Variants in SHC4 observed in about 807,000 individuals in gnomAD.
SHC4 encodes the protein SHC-transforming protein 4.
Under a neutral mutation model 69.4 loss-of-function variants are expected in SHC4, and 41 were observed. The observed-to-expected ratio is 0.59, with a 90% CI of 0.46 to 0.77. The LOEUF (loss-of-function observed/expected upper bound fraction) is 0.77. SHC4 is among the 30% of genes least tolerant of loss of function. The pLI is 0.00. For synonymous variants in SHC4, 318 were observed against 299.3 expected (o/e 1.06, Z -0.64); for missense variants, 777 against 783.8 (o/e 0.99, Z 0.10).
chr15:48,917,575 A>C (rs548662287), intron 2 of SHC4, among the ~76,000 whole-genome samples: 1 of 152,178 alleles, frequency 6.6e-6, no homozygotes, highest in Non-Finnish European at 1.5e-5. Context: ...ATATTCTATT[A>C]TTAAAAATGG....
chr15:48,872,209 G>T, intron 4 of SHC4, 67 bp from the exon 5 acceptor site: 1 of 951,038 alleles, frequency 1.1e-6, no homozygotes, highest in African/African-American at 1.7e-5. Context: ...CAGTCTAACA[G>T]TAATAGACAT....
chr15:48,841,780 G>C (rs1898992980), intron 10 of SHC4, among the ~76,000 whole-genome samples: 1 of 152,192 alleles, frequency 6.6e-6, no homozygotes, highest in African/African-American at 2.4e-5. Context: ...TGCTTCCAGA[G>C]AATCCAGCTT....
chr15:48,889,434 C>G (rs1900092979), intron 3 of SHC4, among the ~76,000 whole-genome samples: 1 of 152,188 alleles, frequency 6.6e-6, no homozygotes, highest in African/African-American at 2.4e-5. Context: ...GAAGACTTGG[C>G]TTCTACAGCT....
chr15:48,921,116 A>G (rs1289807130), intron 2 of SHC4, among the ~76,000 whole-genome samples: 3 of 152,342 alleles, frequency 2.0e-5, no homozygotes, highest in South Asian at 4.1e-4. Context: ...AATAGAGAGT[A>G]GTATTGAGCC....
intron 1 of SHC4, among the ~76,000 whole-genome samples, chr15:48,951,941 T>C (rs962716865): frequency 6.6e-6 from 1 of 152,218 alleles, no homozygotes; most frequent in African/African-American, 2.4e-5. Context: ...TCACATAATG[T>C]AGTGGAAAGA....
At chr15:48,957,510 T>C (rs966722212) in intron 1 of SHC4, among the ~76,000 whole-genome samples, 1 of 152,202 alleles carries the variant, frequency 6.6e-6, no homozygotes, top group African/African-American at 2.4e-5. Flanking sequence ...AGTGATAAGA[T>C]ACCTTAGACA....
At chr15:48,904,112 C>T (rs2141013038) in intron 2 of SHC4, among the ~76,000 whole-genome samples, 1 of 152,230 alleles carries the variant, frequency 6.6e-6, no homozygotes, top group South Asian at 2.1e-4. Context: ...ATCTTAAACC[C>T]AGGATTAAAC....
intron 6 of SHC4, among the ~76,000 whole-genome samples, chr15:48,864,417 C>T (rs1595736834): frequency 7.0e-6 from 1 of 143,314 alleles, no homozygotes; most frequent in African/African-American, 2.5e-5. Context: ...TTTCTGCTTT[C>T]CAATACCAAT....
chr15:48,854,809 G>A (rs1174875615), intron 8 of SHC4, among the ~76,000 whole-genome samples: 2 of 152,088 alleles, frequency 1.3e-5, no homozygotes, highest in African/African-American at 4.8e-5. Context: ...TGACACTGGC[G>A]ACCACTAAAA....
intron 1 of SHC4, among the ~76,000 whole-genome samples, chr15:48,950,243 A>T (rs1439469974): frequency 6.8e-6 from 1 of 146,338 alleles, no homozygotes; most frequent in East Asian, 2.0e-4. Context: ...TATATTATTA[A>T]ATTTCATATA....
At chr15:48,908,383 T>A (rs1409872154) in intron 2 of SHC4, among the ~76,000 whole-genome samples, 1 of 152,218 alleles carries the variant, frequency 6.6e-6, no homozygotes, top group African/African-American at 2.4e-5. Context: ...TTAGCCCACT[T>A]TTTGATGGGA....
chr15:48,911,273 T>C (rs897227435), intron 2 of SHC4, among the ~76,000 whole-genome samples: 7 of 152,198 alleles, frequency 4.6e-5, no homozygotes, highest in African/African-American at 1.4e-4. Flanking sequence ...ATGTTTAGGA[T>C]TGTGCTATTT....
In SHC4 at chr15:48,834,889, G is replaced by T. The variant is rs151111033; in HGVS notation, c.1617C>A (p.Leu539=). ...GKLSRKAAES[L]LVKDGDFLVR... is the part of the protein sequence containing the mutation. ...CCAAAAAGTCCCCATCCTTTACCAA[G>T]AGGCTCTCTGCCGCCTTCCTGCTCA... The change falls in exon 11 of 12, where the codon CTC becomes CTA. Residue 539 remains leucine, a synonymous_variant. Transcript: ENST00000332408. 5.0e-6 allele frequency: 8 copies of T among 1,614,006 alleles called. No homozygotes were observed. In the African/African-American group the frequency reaches 9.3e-5, roughly 19 times the overall value.
At position 48,825,974 on chromosome 15, in the gene SHC4, T is replaced by A; in HGVS notation, c.1890A>T (p.Lys630Asn). 1.2e-6 allele frequency: 2 copies of A among 1,613,202 alleles called. No individual in the cohort carries two copies. Among genetic ancestry groups the A allele is most frequent in the Non-Finnish European group, 1.7e-6 (2 of 1,179,714 alleles). The change falls in exon 12 of 12, where the codon AAA (lysine) becomes AAT (asparagine). Residue 630 changes from lysine (K) to asparagine (N), a missense_variant. Physicochemically the swap from Lys to Asn is moderately conservative, Grantham distance 94 (BLOSUM62 0). Transcript: ENST00000332408. ...GTGTGATGGTGCTTCAATACTGTCA[T>A]TTGTTGGAATGCAAAAGTGCTGGAT... ...DNNPALLHSN[K>N]
intron 11 of SHC4, among the ~76,000 whole-genome samples, chr15:48,834,478 C>A (rs1182110283): frequency 6.6e-6 from 1 of 152,110 alleles, no homozygotes; most frequent in African/African-American, 2.4e-5. Context: ...TGATATTGAA[C>A]AACAAACAGC....
chr15:48,828,577 A>G (rs538141015), intron 11 of SHC4, among the ~76,000 whole-genome samples: 2 of 152,324 alleles, frequency 1.3e-5, no homozygotes, highest in East Asian at 1.9e-4. Flanking sequence ...AAACCTCCAA[A>G]CTGTGTTCCA....
At chr15:48,910,862 A>T (rs372810147) in intron 2 of SHC4, among the ~76,000 whole-genome samples, 2 of 152,060 alleles carry the variant, frequency 1.3e-5, no homozygotes, top group South Asian at 4.1e-4. Flanking sequence ...ATTTCCATGT[A>T]TTTGCAGGGT....
intron 11 of SHC4, among the ~76,000 whole-genome samples, chr15:48,833,934 T>C (rs184230568): frequency 5.0e-4 from 76 of 152,328 alleles, no homozygotes; most frequent in African/African-American, 1.8e-3. Context: ...CTCATAAAGG[T>C]ATTTTGGTCA....
chr15:48,889,095 A>G (rs1299107156), intron 3 of SHC4, among the ~76,000 whole-genome samples: 1 of 152,180 alleles, frequency 6.6e-6, no homozygotes, highest in Non-Finnish European at 1.5e-5. Flanking sequence ...GATGATAGCC[A>G]GGTTTGCTCT....
Sources: gnomAD v4.1 joint callset for allele counts (sites outside exome capture counted in the v4.1 genomes callset) on GRCh38, gnomAD v4.1.1 for gene constraint, MANE v1.5 for transcripts, NCBI Gene and HGNC (gene_info 2026-07-23, HGNC 2026-07-21) for gene names.